NRG3: variants seen among roughly 807,000 people sequenced by gnomAD.
NRG3 encodes the protein pro-neuregulin-3, membrane-bound isoform.
NRG3 carries 31 observed loss-of-function variants against 66.9 expected under a neutral mutation model. The ratio of observed to expected loss-of-function variants is 0.46; its 90% CI spans 0.35 to 0.63. The LOEUF is 0.63. NRG3 is among the 20% of genes least tolerant of loss of function. The pLI, the probability that NRG3 is intolerant of heterozygous loss-of-function variation, is 0.00. For missense variants in NRG3, 910 were observed against 878.9 expected (o/e 1.04, Z -0.45); for synonymous variants, 393 against 359.4 (o/e 1.09, Z -1.06).
chr10:82,289,026 T>TACTTGATGG (rs538490077), intron 1 of NRG3, among the ~76,000 whole-genome samples: 42 of 152,326 alleles, frequency 2.8e-4, no homozygotes, highest in African/African-American at 1.0e-3. Context: ...GCCACTTCCA[T>TACTTGATGG]CCTTGATGGC....
intron 1 of NRG3, among the ~76,000 whole-genome samples, chr10:82,324,884 G>A (rs2081780347): frequency 6.6e-6 from 1 of 152,180 alleles, no homozygotes; most frequent in Admixed American, 6.5e-5. Context: ...TTTATCTGCT[G>A]TTGTTGGATG....
chr10:82,009,718 AG>A (rs2061505240), intron 1 of NRG3, among the ~76,000 whole-genome samples: 1 of 152,052 alleles, frequency 6.6e-6, no homozygotes, highest in African/African-American at 2.4e-5. Flanking sequence ...CCATCTTTCT[AG>A]GGGACAATAA....
chr10:82,347,952 T>A (rs1404295240), intron 1 of NRG3, among the ~76,000 whole-genome samples: 1 of 152,160 alleles, frequency 6.6e-6, no homozygotes, highest in South Asian at 2.1e-4. Context: ...ATTTTGAGCC[T>A]ATGTGTGTCT....
chr10:82,744,953 A>G (rs2058583189), intron 3 of NRG3, among the ~76,000 whole-genome samples: 1 of 152,126 alleles, frequency 6.6e-6, no homozygotes, highest in Admixed American at 6.5e-5. Flanking sequence ...CACAGTGTAC[A>G]AGGCACTGAG....
chr10:82,690,636 G>C (rs1217038616), intron 2 of NRG3, among the ~76,000 whole-genome samples: 1 of 152,094 alleles, frequency 6.6e-6, no homozygotes, highest in East Asian at 1.9e-4. Flanking sequence ...TTGCTCATAT[G>C]AAACTGACAA....
chr10:81,987,640 C>T (rs6421337), intron 1 of NRG3, among the ~76,000 whole-genome samples: 48,586 of 151,928 alleles, frequency 0.32, 9,218 homozygotes, highest in East Asian at 0.77. Flanking sequence ...ATAAGAGCAT[C>T]GTTGATCAAT....
Position 81,920,498 on chromosome 10 carries a change from T to TA in NRG3, c.823+44345dup, listed in dbSNP as rs143236499. Reference sequence around the variant, plus strand: ...TTTAATAAGCATGACTATCCATGTCTAAAAAAAAAATGATACTTTATGACA... The same window carrying TA: ...TTTAATAAGCATGACTATCCATGTCTAAAAAAAAAAATGATACTTTATGACA... On this transcript the variant is annotated intron_variant, in intron 1 of 8. Transcript: ENST00000372141. Among the ~76,000 whole-genome samples the TA allele has an allele frequency of 4.2e-4, 63 of 148,894 alleles. No homozygotes were observed. The South Asian group carries it at 4.3e-3, about 10-fold the overall frequency.
chr10:82,953,657 T>G (rs1849739536), intron 5 of NRG3, among the ~76,000 whole-genome samples: 1 of 151,964 alleles, frequency 6.6e-6, no homozygotes, highest in African/African-American at 2.4e-5. Context: ...ATATCTACCT[T>G]ATAGAATTTT....
intron 4 of NRG3, among the ~76,000 whole-genome samples, chr10:82,879,398 G>A (rs1003778514): frequency 1.3e-5 from 2 of 151,192 alleles, no homozygotes; most frequent in African/African-American, 4.9e-5. Flanking sequence ...CTCAATCAGC[G>A]ATCTTCTTTC....
intron 2 of NRG3, among the ~76,000 whole-genome samples, chr10:82,567,869 C>CT (rs1285209348): frequency 1.3e-5 from 2 of 151,856 alleles, no homozygotes; most frequent in African/African-American, 2.4e-5. Flanking sequence ...ATATATTCCA[C>CT]TTTTTTGTAG....
chr10:82,071,125 A>G (rs1217287864), intron 1 of NRG3, among the ~76,000 whole-genome samples: 1 of 152,174 alleles, frequency 6.6e-6, no homozygotes, highest in Non-Finnish European at 1.5e-5. Flanking sequence ...GTTAATTTTT[A>G]TCATTCATTG....
chr10:82,830,128 T>A (rs1302846205), intron 3 of NRG3, among the ~76,000 whole-genome samples: 1 of 152,228 alleles, frequency 6.6e-6, no homozygotes, highest in East Asian at 1.9e-4. Flanking sequence ...CAGATGAGAC[T>A]GAAACTAGAA....
At position 82,864,149 on chromosome 10, in the gene NRG3, ATGGAAGAATTTGGAAAAAAGGGGTGG is replaced by A. The variant is rs1156677943; in HGVS notation, c.1028-1258_1028-1233del. 2.6e-5 allele frequency among the ~76,000 whole-genome samples: 4 copies of A among 152,210 alleles called. No homozygotes were observed. The South Asian group carries it at 6.2e-4, about 24-fold the overall frequency. On this transcript the variant is annotated intron_variant, in intron 3 of 8. Transcript: ENST00000372141. ...GGGCACAGAGTTTCTGATTGGGGTG[ATGGAAGAATTTGGAAAAAAGGGGTGG>A]TGGTTGTACAACGTTGTGAATGTAT...
intron 4 of NRG3, among the ~76,000 whole-genome samples, chr10:82,878,468 TGCTA>T (rs1030065980): frequency 3.3e-5 from 5 of 152,236 alleles, no homozygotes; most frequent in Admixed American, 2.6e-4. Flanking sequence ...ATTCACCAAA[TGCTA>T]GCCCTTTAAG....
intron 2 of NRG3, among the ~76,000 whole-genome samples, chr10:82,627,267 C>A (rs1165632526): frequency 6.6e-6 from 1 of 152,056 alleles, no homozygotes; most frequent in Non-Finnish European, 1.5e-5. Flanking sequence ...ATTTAAATCA[C>A]TTTAAGCAAA....
chr10:82,328,831 A>G (rs1161285165), intron 1 of NRG3, among the ~76,000 whole-genome samples: 1 of 152,180 alleles, frequency 6.6e-6, no homozygotes, highest in African/African-American at 2.4e-5. Flanking sequence ...GCATACTAGA[A>G]GTTAATGAGC....
Position 82,978,818 on chromosome 10 carries a change from T to TTCTA in NRG3, c.1413-132_1413-131insTCTA, listed in dbSNP as rs1295615705. On this transcript the variant is annotated intron_variant, in intron 7 of 8. Coordinates refer to ENST00000372141, the MANE Select transcript of NRG3 (RefSeq NM_001010848.4). ...CTACCACATATACTTCATTCAGGGA[T>TTCTA]GGCCCTGGCCTAGAACTTTGAGAAT... 448 of 822,204 alleles carry TTCTA rather than the reference T, an allele frequency of 5.4e-4. 3 individuals are homozygous for TTCTA. In the East Asian group the frequency reaches 0.011, roughly 20 times the overall value. 50.9% of individuals were successfully genotyped at this position (822,204 alleles called of 1,614,324 possible).
chr10:82,031,819 G>A (rs1305847330), intron 1 of NRG3, among the ~76,000 whole-genome samples: 1 of 151,930 alleles, frequency 6.6e-6, no homozygotes, highest in East Asian at 1.9e-4. Context: ...TAAGTATATG[G>A]CCTTGCCACT....
chr10:81,984,546 C>T (rs1192992143), intron 1 of NRG3, among the ~76,000 whole-genome samples: 3 of 152,066 alleles, frequency 2.0e-5, no homozygotes, highest in South Asian at 2.1e-4. Context: ...AAGCCAAATA[C>T]GAACTTTTTT....
Sources: gnomAD v4.1 joint callset for allele counts (sites outside exome capture counted in the v4.1 genomes callset) on GRCh38, gnomAD v4.1.1 for gene constraint, MANE v1.5 for transcripts, NCBI Gene and HGNC (gene_info 2026-07-23, HGNC 2026-07-21) for gene names.